PCDHB15: variants seen among roughly 807,000 people sequenced by gnomAD.
The protein encoded by PCDHB15 is protocadherin beta 15.
For synonymous variants in PCDHB15, 492 were observed against 447.9 expected, an observed-to-expected ratio of 1.10 and a Z score of -1.24; for missense variants, 1,032 against 991.7, an observed-to-expected ratio of 1.04 and a Z score of -0.55.
chr5:141,247,096 T>C lies in PCDHB15; in HGVS notation c.1518T>C (p.Ile506=), dbSNP rs61742737. ...TGCCCCTCACCTCCCTGGTCTCCATTAACACGGACAACGGCCACCTGTTCG... is the reference window on the plus strand; with the variant it reads ...TGCCCCTCACCTCCCTGGTCTCCATCAACACGGACAACGGCCACCTGTTCG... ...PHLPLTSLVS[I]NTDNGHLFAL... is the part of the protein sequence containing the mutation. The change falls in exon 1 of 1, where the codon ATT becomes ATC. Residue 506 remains isoleucine (I), a synonymous_variant. Transcript: ENST00000231173. 3,545 of 1,611,182 alleles carry C rather than the reference T, an allele frequency of 2.2e-3. 23 individuals are homozygous for C. The highest frequency in any genetic ancestry group is 7.8e-3 in the South Asian group (706 of 90,654).
Position 141,248,208 on chromosome 5 carries a change from C to G in PCDHB15, c.*266C>G, listed in dbSNP as rs975212037. 1.0e-4 allele frequency: 28 copies of G among 268,614 alleles called. No homozygotes were observed. Among genetic ancestry groups the G allele is most frequent in the Non-Finnish European group, 1.6e-4 (22 of 136,128 alleles). 16.6% of individuals were successfully genotyped at this position (268,614 alleles called of 1,614,324 possible). A position where few individuals can be genotyped will look rare whatever the true frequency, so the allele number is the denominator to read the frequency against. On this transcript the variant is annotated 3_prime_UTR_variant, in exon 1 of 1. Coordinates refer to ENST00000231173, the MANE Select transcript of PCDHB15 (RefSeq NM_018935.4). Reference sequence around the variant, plus strand: ...AGGGTGATATGAAAGTTAACCCCACCTAATAAACATAACTCTAATTCTGAA... The same window carrying G: ...AGGGTGATATGAAAGTTAACCCCACGTAATAAACATAACTCTAATTCTGAA...
Position 141,246,696 on chromosome 5 carries a change from G to C in PCDHB15, c.1118G>C (p.Arg373Pro), listed in dbSNP as rs782594107. The change falls in exon 1 of 1, where the codon CGA becomes CCA. Residue 373 changes from arginine (R) to proline (P), a missense_variant. By Grantham distance (103) the Arg-to-Pro change is moderately radical. Coordinates refer to ENST00000231173, the MANE Select transcript of PCDHB15 (RefSeq NM_018935.4). ...GTGGCCCTGTTTAGGATTAGAGACC[G>C]AGACTCTGGGGAAAATGGAAAAATG... is the stretch of plus-strand genomic sequence containing the variant. ...TEVALFRIRDRDSGENGKMIC... is the reference protein window; with the variant it reads ...TEVALFRIRDPDSGENGKMIC... 27 of 1,613,988 alleles carry C rather than the reference G, an allele frequency of 1.7e-5. No homozygotes were observed. In the East Asian group the frequency reaches 5.8e-4, roughly 35 times the overall value.
chr5:141,246,456 A>G lies in PCDHB15; in HGVS notation c.878A>G (p.Glu293Gly), dbSNP rs1554291925. The change falls in exon 1 of 1, where the codon GAG (glutamate) becomes GGG (glycine). Residue 293 changes from glutamate to glycine, a missense_variant. Coordinates refer to ENST00000231173, the MANE Select transcript of PCDHB15 (RefSeq NM_018935.4). ...TCTCAGGAGATAGACAAACCTTTTG[A>G]GCTAAGCAGCCTTTCAGGAGAAATT... ...YSSQEIDKPF[E>G]LSSLSGEIRL... is the part of the protein sequence containing the mutation. The G allele has an allele frequency of 3.1e-6, 5 of 1,614,208 alleles. No individual in the cohort carries two copies. In the South Asian group the frequency reaches 5.5e-5, roughly 18 times the overall value.
chr5:141,245,845 G>C lies in PCDHB15; in HGVS notation c.267G>C (p.Lys89Asn), dbSNP rs782755162. The change falls in exon 1 of 1, where the codon AAG becomes AAC. Residue 89 changes from lysine (K) to asparagine (N), a missense_variant. Transcript: ENST00000231173. ...CCGGGCAGTTGATATTAAATGAGAA[G>C]CTGGACCGGGAGAAGCTGTGTGGCC... ...LQTGQLILNE[K>N]LDREKLCGPT... The C allele has an allele frequency of 6.2e-7, 1 of 1,614,178 alleles. No individual in the cohort carries two copies. Among genetic ancestry groups the C allele is most frequent in the East Asian group, 2.2e-5 (1 of 44,872 alleles).
In PCDHB15 at chr5:141,248,852, T is replaced by A. The variant is rs914778161; in HGVS notation, c.*910T>A. On this transcript the variant is annotated 3_prime_UTR_variant, in exon 1 of 1. Coordinates refer to ENST00000231173, the MANE Select transcript of PCDHB15 (RefSeq NM_018935.4). ...CATAAGGAATTTGAAAGAAAATACA[T>A]TGTAGAATTAATATTAGTTAACCAA... is the stretch of plus-strand genomic sequence containing the variant. 26 of 152,290 alleles carry A rather than the reference T, an allele frequency of 1.7e-4. No homozygotes were observed. Among genetic ancestry groups the A allele is most frequent in the African/African-American group, 5.3e-4 (22 of 41,562 alleles). The allele number at this position is 152,290 out of a possible 1,614,324, so 9.4% of individuals were successfully genotyped here.
At position 141,247,479 on chromosome 5, in the gene PCDHB15, A is replaced by C; in HGVS notation, c.1901A>C (p.Asp634Ala). Residue 634 changes from aspartate (D) to alanine (A), a missense_variant, in exon 1 of 1, where the codon GAC becomes GCC. Coordinates refer to ENST00000231173, the MANE Select transcript of PCDHB15 (RefSeq NM_018935.4). ...ACCGCCAGGCTGCTGAGCGAGCGCG[A>C]CGTGGCCAAGCACAGGCTAGTGGTG... ...VRTARLLSERDVAKHRLVVLV... is the reference protein window; with the variant it reads ...VRTARLLSERAVAKHRLVVLV... 1.9e-6 allele frequency: 3 copies of C among 1,608,668 alleles called. No homozygotes were observed. Among genetic ancestry groups the C allele is most frequent in the Non-Finnish European group, 2.5e-6 (3 of 1,179,702 alleles).
Position 141,246,296 on chromosome 5 carries a change from C to G in PCDHB15, c.718C>G (p.Pro240Ala), listed in dbSNP as rs1554291886. The G allele has an allele frequency of 6.2e-7, 1 of 1,614,090 alleles. No individual in the cohort carries two copies. Among genetic ancestry groups the G allele is most frequent in the East Asian group, 2.2e-5 (1 of 44,876 alleles). The stretch of plus-strand genomic sequence containing the variant: ...GGTCTTGGACGCCAATGACAATGCC[C>G]CGGAGTTTGTGCAGGCGCTCTACGA... ...ILVLDANDNA[P>A]EFVQALYEVQ... Residue 240 changes from proline (P) to alanine (A), a missense_variant, in exon 1 of 1, where the codon CCG becomes GCG. Coordinates refer to ENST00000231173, the MANE Select transcript of PCDHB15 (RefSeq NM_018935.4).
rs782126424 is a variant in PCDHB15 at position 141,246,406 on chromosome 5, G to A, written c.828G>A (p.Glu276=). The A allele has an allele frequency of 6.2e-7, 1 of 1,613,558 alleles. No individual in the cohort carries two copies. Among genetic ancestry groups the A allele is most frequent in the East Asian group, 2.2e-5 (1 of 44,880 alleles). ...ATTTAGACACTGGGACAAATGGAGA[G>A]ATATCATACTCCCTTTATTACAGCT... ...ARDLDTGTNG[E]ISYSLYYSSQ... Residue 276 remains glutamate (E), a synonymous_variant, in exon 1 of 1, where the codon GAG becomes GAA. Coordinates refer to ENST00000231173, the MANE Select transcript of PCDHB15 (RefSeq NM_018935.4).
rs782508126 is a variant in PCDHB15 at position 141,246,009 on chromosome 5, AAACT to A, written c.433_436del (p.Thr145AlafsTer9). The A allele has an allele frequency of 1.2e-6, 2 of 1,614,038 alleles. No individual in the cohort carries two copies. Among genetic ancestry groups the A allele is most frequent in the African/African-American group, 2.7e-5 (2 of 74,940 alleles). ...AGAGAAATGACCCTGAAAATCCCAG[AAACT>A]AGCTCCCTTGGGACTGTGTTTCCTC... is the stretch of plus-strand genomic sequence containing the variant. On this transcript the variant is annotated frameshift_variant, in exon 1 of 1. Coordinates refer to ENST00000231173, the MANE Select transcript of PCDHB15 (RefSeq NM_018935.4). LOFTEE classifies it low-confidence loss of function (END_TRUNC).
rs782456217 is a variant in PCDHB15 at position 141,245,900 on chromosome 5, G to C, written c.322G>C (p.Val108Leu). ...PTEPCIMHFQVLLKKPLEVFR... is the reference protein window; with the variant it reads ...PTEPCIMHFQLLLKKPLEVFR... ...TGAGCCCTGTATAATGCATTTCCAA[G>C]TGTTACTGAAAAAACCTTTGGAAGT... is the stretch of plus-strand genomic sequence containing the variant. Residue 108 changes from valine (V) to leucine (L), a missense_variant, in exon 1 of 1, where the codon GTG (valine) becomes CTG (leucine). Physicochemically the swap from Val to Leu is conservative, Grantham distance 32 (BLOSUM62 1). Coordinates refer to ENST00000231173, the MANE Select transcript of PCDHB15 (RefSeq NM_018935.4). 2.5e-6 allele frequency: 4 copies of C among 1,614,160 alleles called. No homozygotes were observed. In the Admixed American group the frequency reaches 6.7e-5, roughly 27 times the overall value.
rs77506821 is a variant in PCDHB15 at position 141,247,452 on chromosome 5, G to T, written c.1874G>T (p.Arg625Leu). 30,940 of 1,607,262 alleles carry T rather than the reference G, an allele frequency of 0.019. 1,038 individuals are homozygous for T. The highest frequency in any genetic ancestry group is 0.15 in the African/African-American group (11,055 of 74,924). Residue 625 changes from arginine (R) to leucine (L), a missense_variant, in exon 1 of 1, where the codon CGC becomes CTC. Arg to Leu is a moderately radical substitution (Grantham distance 102, BLOSUM62 -2). Coordinates refer to ENST00000231173, the MANE Select transcript of PCDHB15 (RefSeq NM_018935.4). ...GTGTGGGCGCACAATGGCGAGGTGC[G>T]CACCGCCAGGCTGCTGAGCGAGCGC... The part of the protein sequence containing the change: ...FGVWAHNGEV[R>L]TARLLSERDV...
At position 141,245,800 on chromosome 5, in the gene PCDHB15, C is replaced by G; in HGVS notation, c.222C>G (p.Gly74=). The change falls in exon 1 of 1, where the codon GGC becomes GGG. Residue 74 remains glycine, a synonymous_variant. Coordinates refer to ENST00000231173, the MANE Select transcript of PCDHB15 (RefSeq NM_018935.4). ...ARVVSEDNEQ[G]LQLDLQTGQL... is the part of the protein sequence containing the mutation. The stretch of plus-strand genomic sequence containing the variant: ...TAGTTTCTGAGGATAACGAACAAGG[C>G]TTGCAGCTTGATCTGCAGACCGGGC... 1 of 1,614,166 alleles carries G rather than the reference C, an allele frequency of 6.2e-7. No individual in the cohort carries two copies.
rs1344058825 is a variant in PCDHB15 at position 141,247,925 on chromosome 5, T to A, written c.2347T>A (p.Ser783Thr). ...TGTAAGCCAGGACTCTAGGAGGAAA[T>A]CAGAATTTCTAGAATAATGTAGGTA... ...NIVSQDSRRKSEFLE is the reference protein window; with the variant it reads ...NIVSQDSRRKTEFLE The change falls in exon 1 of 1, where the codon TCA (serine) becomes ACA (threonine). Residue 783 changes from serine to threonine, a missense_variant. Transcript: ENST00000231173. 1.2e-6 allele frequency: 2 copies of A among 1,602,256 alleles called. No individual in the cohort carries two copies. Among genetic ancestry groups the A allele is most frequent in the Non-Finnish European group, 1.7e-6 (2 of 1,173,468 alleles).
In PCDHB15 at chr5:141,245,577, A is replaced by G; in HGVS notation, c.-2A>G. On this transcript the variant is annotated 5_prime_UTR_variant, in exon 1 of 1. Coordinates refer to ENST00000231173, the MANE Select transcript of PCDHB15 (RefSeq NM_018935.4). Reference sequence around the variant, plus strand: ...TTGAAAGGGGCGTGTACAGAAGTAAAGATGGAGCCTGCAGGGGAGCGCTTT... The same window carrying G: ...TTGAAAGGGGCGTGTACAGAAGTAAGGATGGAGCCTGCAGGGGAGCGCTTT... 1 of 1,613,460 alleles carries G rather than the reference A, an allele frequency of 6.2e-7. No homozygotes were observed.
rs782593628 is a variant in PCDHB15 at position 141,246,707 on chromosome 5, G to A, written c.1129G>A (p.Glu377Lys). The change falls in exon 1 of 1, where the codon GAA becomes AAA. Residue 377 changes from glutamate to lysine, a missense_variant. Glu to Lys is a moderately conservative substitution (Grantham distance 56, BLOSUM62 1). Transcript: ENST00000231173. ...TAGGATTAGAGACCGAGACTCTGGG[G>A]AAAATGGAAAAATGATTTGCTCAAT... ...LFRIRDRDSG[E>K]NGKMICSIQD... 1.1e-5 allele frequency: 18 copies of A among 1,614,134 alleles called. No individual in the cohort carries two copies. In the East Asian group the frequency reaches 3.1e-4, roughly 28 times the overall value.
chr5:141,245,719 C>A lies in PCDHB15; in HGVS notation c.141C>A (p.Asn47Lys). The A allele has an allele frequency of 6.2e-7, 1 of 1,614,172 alleles. No homozygotes were observed. Among genetic ancestry groups the A allele is most frequent in the Non-Finnish European group, 8.5e-7 (1 of 1,180,034 alleles). Residue 47 changes from asparagine (N) to lysine (K), a missense_variant, in exon 1 of 1, where the codon AAC becomes AAA. By Grantham distance (94) the Asn-to-Lys change is moderately conservative. Transcript: ENST00000231173. Reference sequence around the variant, plus strand: ...CAGAGAGAGGTTCTTTTGTAGCCAACCTGGCCAATGACCTAGGGCTGGGAG... The same window carrying A: ...CAGAGAGAGGTTCTTTTGTAGCCAAACTGGCCAATGACCTAGGGCTGGGAG... ...EETERGSFVA[N>K]LANDLGLGVG...
Position 141,247,907 on chromosome 5 carries a change from C to T in PCDHB15, c.2329C>T (p.Gln777Ter). The change falls in exon 1 of 1, where the codon CAG becomes TAG. Residue 777 changes from glutamine (Q) to a stop codon, truncating the protein, a stop_gained. Coordinates refer to ENST00000231173, the MANE Select transcript of PCDHB15 (RefSeq NM_018935.4). LOFTEE classifies it low-confidence loss of function (END_TRUNC). ...LKPIFPNIVS[Q>*]DSRRKSEFLE ...GCCTATATTCCCAAATATTGTAAGC[C>T]AGGACTCTAGGAGGAAATCAGAATT... 1 of 1,612,144 alleles carries T rather than the reference C, an allele frequency of 6.2e-7. No individual in the cohort carries two copies. The highest frequency in any genetic ancestry group is 8.5e-7 in the Non-Finnish European group (1 of 1,178,832).
At position 141,246,286 on chromosome 5, in the gene PCDHB15, T is replaced by A. The variant is rs200036477; in HGVS notation, c.708T>A (p.Asn236Lys). Residue 236 changes from asparagine (N) to lysine (K), a missense_variant, in exon 1 of 1, where the codon AAT becomes AAA. Transcript: ENST00000231173. ...TCCTCATCTTGGTCTTGGACGCCAA[T>A]GACAATGCCCCGGAGTTTGTGCAGG... ...VQILILVLDA[N>K]DNAPEFVQAL... The A allele has an allele frequency of 9.9e-6, 16 of 1,613,994 alleles. No individual in the cohort carries two copies. The East Asian group carries it at 2.2e-4, about 22-fold the overall frequency.
Position 141,246,483 on chromosome 5 carries a change from G to T in PCDHB15, c.905G>T (p.Arg302Leu), listed in dbSNP as rs782684982. ...FELSSLSGEI[R>L]LIKKLDFETM... The stretch of plus-strand genomic sequence containing the variant: ...CTAAGCAGCCTTTCAGGAGAAATTC[G>T]ACTAATTAAAAAACTAGATTTTGAG... Residue 302 changes from arginine to leucine, a missense_variant, in exon 1 of 1, where the codon CGA becomes CTA. Arg to Leu is a moderately radical substitution (Grantham distance 102, BLOSUM62 -2). Coordinates refer to ENST00000231173, the MANE Select transcript of PCDHB15 (RefSeq NM_018935.4). 1.2e-6 allele frequency: 2 copies of T among 1,613,942 alleles called. No homozygotes were observed. Among genetic ancestry groups the T allele is most frequent in the African/African-American group, 2.7e-5 (2 of 74,878 alleles).
Sources: gnomAD v4.1 joint callset for allele counts on GRCh38, gnomAD v4.1.1 for gene constraint, MANE v1.5 for transcripts, NCBI Gene and HGNC (gene_info 2026-07-23, HGNC 2026-07-21) for gene names.